Variants in MYO10 observed in about 807,000 individuals in gnomAD.
MYO10 encodes unconventional myosin-X.
MYO10 carries 133 observed loss-of-function variants against 257.3 expected under a neutral mutation model. The ratio of observed to expected loss-of-function variants is 0.52; its 90% CI spans 0.45 to 0.60. The LOEUF is 0.60. Among genes scored for constraint, MYO10 ranks in the 20% least tolerant of loss-of-function variants. The probability of loss-of-function intolerance (pLI) is 0.00; values close to 1 mark genes in which losing one functional copy is unlikely to be tolerated. For synonymous variants in MYO10, 1,104 were observed against 1,028.6 expected, an observed-to-expected ratio of 1.07 and a Z score of -1.40; for missense variants, 2,399 against 2,635.7, an observed-to-expected ratio of 0.91 and a Z score of 1.97.
intron 1 of MYO10, among the ~76,000 whole-genome samples, chr5:16,931,820 A>G (rs1746302094): frequency 6.6e-6 from 1 of 152,252 alleles, no homozygotes; most frequent in Admixed American, 6.5e-5. Context: ...TCCCCTTTAC[A>G]CATGGAGACA....
chr5:16,799,141 T>C (rs1742047674), intron 3 of MYO10, among the ~76,000 whole-genome samples: 1 of 151,160 alleles, frequency 6.6e-6, no homozygotes, highest in Admixed American at 6.6e-5. Context: ...TTCAAAAGAA[T>C]GATCATGTTT....
In MYO10 at chr5:16,730,283, G is replaced by C. The variant is rs1579920280; in HGVS notation, c.1930-19038C>G. On this transcript the variant is annotated intron_variant, in intron 19 of 40. Coordinates refer to ENST00000513610, the MANE Select transcript of MYO10 (RefSeq NM_012334.3). The stretch of plus-strand genomic sequence containing the variant: ...GGGGTTTTTACATATTAACCGTGTA[G>C]GTCATTATTGGCAGAATTACTCTGT... 3.9e-5 allele frequency among the ~76,000 whole-genome samples: 6 copies of C among 152,136 alleles called. No homozygotes were observed. The South Asian group carries it at 1.2e-3, about 32-fold the overall frequency.
intron 1 of MYO10, among the ~76,000 whole-genome samples, chr5:16,912,818 A>G (rs1187134202): frequency 6.9e-6 from 1 of 144,026 alleles, no homozygotes; most frequent in Admixed American, 6.9e-5. Context: ...ACACACACAC[A>G]CACACACACA....
At chr5:16,741,588 T>A (rs1001467374) in intron 19 of MYO10, among the ~76,000 whole-genome samples, 4 of 152,206 alleles carry the variant, frequency 2.6e-5, no homozygotes, top group Non-Finnish European at 5.9e-5. Context: ...CCTTAACTGA[T>A]CAGTGAATTG....
rs113240398 is a variant in MYO10, at chr5:16,800,932, G to GA, written c.280-6100dup. ...TTACACACCATATATCACATCAAGT[G>GA]AAAAAAAAAAATTCTTTTCCAAAAA... On this transcript the variant is annotated intron_variant, in intron 3 of 40. Coordinates refer to ENST00000513610, the MANE Select transcript of MYO10 (RefSeq NM_012334.3). Among the ~76,000 whole-genome samples, 41 of 146,754 alleles carry GA rather than the reference G, an allele frequency of 2.8e-4. 1 individual carries two copies. Among genetic ancestry groups the GA allele is most frequent in the South Asian group, 6.5e-4 (3 of 4,642 alleles).
At chr5:16,762,146 A>C (rs13174663) in intron 15 of MYO10, 33 bp from the exon 16 acceptor site, 1 of 1,334,278 alleles carries the variant, frequency 7.5e-7, no homozygotes, top group Non-Finnish European at 1.0e-6. Flanking sequence ...AAAAAAAAAT[A>C]CAATGCCTTA....
chr5:16,729,346 T>C (rs1257040513), intron 19 of MYO10, among the ~76,000 whole-genome samples: 1 of 152,224 alleles, frequency 6.6e-6, no homozygotes, highest in Non-Finnish European at 1.5e-5. Context: ...AAATCTGATA[T>C]TACATCTATT....
chr5:16,685,707 C>A (rs746808331), intron 29 of MYO10, 31 bp downstream of exon 29: 2 of 1,517,310 alleles, frequency 1.3e-6, no homozygotes, highest in Admixed American at 3.8e-5. Context: ...CCCTAGACGC[C>A]CCACCCCCAT....
At chr5:16,804,745 T>A (rs1053937347) in intron 3 of MYO10, among the ~76,000 whole-genome samples, 3 of 151,910 alleles carry the variant, frequency 2.0e-5, no homozygotes, top group African/African-American at 7.3e-5. Flanking sequence ...CGAAACCCCA[T>A]CTCTACTAAA....
At chr5:16,854,878 A>G (rs922349995) in intron 2 of MYO10, among the ~76,000 whole-genome samples, 1 of 152,060 alleles carries the variant, frequency 6.6e-6, no homozygotes, top group African/African-American at 2.4e-5. Flanking sequence ...CTAAAAATAC[A>G]AAAATTAGCC....
At chr5:16,812,830 G>T (rs764985009) in intron 3 of MYO10, among the ~76,000 whole-genome samples, 1 of 152,076 alleles carries the variant, frequency 6.6e-6, no homozygotes, top group East Asian at 1.9e-4. Flanking sequence ...TTAAAAACTG[G>T]TGTTCAGAAA....
chr5:16,855,739 C>T (rs1016876170), intron 2 of MYO10, among the ~76,000 whole-genome samples: 1 of 152,202 alleles, frequency 6.6e-6, no homozygotes, highest in African/African-American at 2.4e-5. Flanking sequence ...CTCAGCTCAG[C>T]CAGTTAACAT....
At chr5:16,723,430 A>G (rs1739233684) in intron 19 of MYO10, among the ~76,000 whole-genome samples, 1 of 152,146 alleles carries the variant, frequency 6.6e-6, no homozygotes. Flanking sequence ...AAGTACCACT[A>G]CATACTTATT....
At position 16,763,566 on chromosome 5, in the gene MYO10, C is replaced by T. The variant is rs1320135064; in HGVS notation, c.1428-19G>A. On this transcript the variant is annotated intron_variant, in intron 13 of 40. Coordinates refer to ENST00000513610, the MANE Select transcript of MYO10 (RefSeq NM_012334.3). ...TCCTTCCCTGTAGAAAGATTTTAAA[C>T]AGCCAAGTTAAATGAAAACATAGCT... 1 of 1,602,836 alleles carries T rather than the reference C, an allele frequency of 6.2e-7. No homozygotes were observed. Among genetic ancestry groups the T allele is most frequent in the Non-Finnish European group, 8.5e-7 (1 of 1,170,216 alleles).
intron 2 of MYO10, among the ~76,000 whole-genome samples, chr5:16,869,640 G>A (rs1744393539): frequency 6.6e-6 from 1 of 151,686 alleles, no homozygotes; most frequent in African/African-American, 2.4e-5. Context: ...CAAGGCAGGT[G>A]GATCACCTGA....
chr5:16,921,438 C>A (rs1265906378), intron 1 of MYO10, among the ~76,000 whole-genome samples: 1 of 152,028 alleles, frequency 6.6e-6, no homozygotes, highest in East Asian at 1.9e-4. Flanking sequence ...TCTAACTAGG[C>A]TGAACAACTG....
intron 19 of MYO10, among the ~76,000 whole-genome samples, chr5:16,747,936 A>AG: frequency 3.3e-5 from 4 of 122,288 alleles, no homozygotes; most frequent in African/African-American, 2.5e-4. Context: ...AAAAAAAAAA[A>AG]AAAAAAAAAA....
chr5:16,906,535 GCCCAGGAACAT>G (rs1745524478), intron 1 of MYO10, among the ~76,000 whole-genome samples: 1 of 152,270 alleles, frequency 6.6e-6, no homozygotes, highest in African/African-American at 2.4e-5. Context: ...GCTTCTTCAG[GCCCAGGAACAT>G]CCCACCTGGA....
intron 22 of MYO10, among the ~76,000 whole-genome samples, chr5:16,703,752 T>G (rs1738196467): frequency 6.6e-6 from 1 of 151,824 alleles, no homozygotes; most frequent in Non-Finnish European, 1.5e-5. Context: ...TGTGGTGGCA[T>G]GCACCTATAG....
Sources: gnomAD v4.1 joint callset for allele counts (sites outside exome capture counted in the v4.1 genomes callset) on GRCh38, gnomAD v4.1.1 for gene constraint, MANE v1.5 for transcripts, NCBI Gene and HGNC (gene_info 2026-07-23, HGNC 2026-07-21) for gene names.